Variants in PCCA observed in about 807,000 individuals in gnomAD.
PCCA encodes the protein propionyl-CoA carboxylase subunit alpha, also known as propionyl-CoA carboxylase alpha chain, mitochondrial.
Under a neutral mutation model 101.3 loss-of-function variants are expected in PCCA, and 74 were observed. That is an observed-to-expected ratio of 0.73 (90% CI 0.61 to 0.89). PCCA has a LOEUF of 0.89. PCCA is among the 40% of genes least tolerant of loss of function. PCCA has a pLI of 0.00. For synonymous variants in PCCA, 294 were observed against 313.6 expected (o/e 0.94, Z 0.66); for missense variants, 891 against 907.0 (o/e 0.98, Z 0.23).
At chr13:100,297,424 G>T (rs1166658634) in intron 12 of PCCA, among the ~76,000 whole-genome samples, 1 of 152,170 alleles carries the variant, frequency 6.6e-6, no homozygotes, top group Non-Finnish European at 1.5e-5. Flanking sequence ...ACAACACAGT[G>T]CCAAGGAGAT....
chr13:100,305,440 A>G (rs1214739209), intron 14 of PCCA, among the ~76,000 whole-genome samples: 1 of 152,210 alleles, frequency 6.6e-6, no homozygotes, highest in East Asian at 1.9e-4. Flanking sequence ...TTGAACATCT[A>G]AGTTCTTCCT....
intron 16 of PCCA, among the ~76,000 whole-genome samples, chr13:100,310,553 CA>C (rs1384800181): frequency 6.6e-6 from 1 of 152,114 alleles, no homozygotes; most frequent in Non-Finnish European, 1.5e-5. Flanking sequence ...GGCATCTGGG[CA>C]GTTTGTCAAA....
chr13:100,339,137 C>G (rs1405366880), intron 17 of PCCA, among the ~76,000 whole-genome samples: 1 of 152,032 alleles, frequency 6.6e-6, no homozygotes, highest in Non-Finnish European at 1.5e-5. Context: ...TAAATCATCT[C>G]TAGGTTACTT....
chr13:100,245,336 A>T (rs772741687), intron 8 of PCCA, among the ~76,000 whole-genome samples: 3 of 152,170 alleles, frequency 2.0e-5, no homozygotes, highest in Non-Finnish European at 4.4e-5. Context: ...TAGATTCTGA[A>T]CTAGATTCCT....
At chr13:100,362,651 G>A (rs540623260) in intron 18 of PCCA, among the ~76,000 whole-genome samples, 7 of 152,190 alleles carry the variant, frequency 4.6e-5, no homozygotes, top group South Asian at 2.1e-4. Flanking sequence ...AGCCCTTATC[G>A]GTGGAAGAAG....
At chr13:100,319,400 A>G (rs2152712449) in intron 16 of PCCA, among the ~76,000 whole-genome samples, 2 of 152,284 alleles carry the variant, frequency 1.3e-5, no homozygotes, top group South Asian at 4.2e-4. Context: ...TTAGACATGA[A>G]GTCCTTGCCC....
At chr13:100,315,347 C>T (rs2067252624) in intron 16 of PCCA, among the ~76,000 whole-genome samples, 1 of 151,990 alleles carries the variant, frequency 6.6e-6, no homozygotes, top group Non-Finnish European at 1.5e-5. Context: ...CCCCCACTCT[C>T]CACTAATATT....
At chr13:100,308,634 T>G (rs974729607) in intron 15 of PCCA, among the ~76,000 whole-genome samples, 5 of 152,220 alleles carry the variant, frequency 3.3e-5, no homozygotes, top group African/African-American at 1.2e-4. Flanking sequence ...CCTAAGTTAT[T>G]AGTAGTATTA....
At chr13:100,396,251 A>G (rs546378696) in intron 19 of PCCA, among the ~76,000 whole-genome samples, 53 of 152,224 alleles carry the variant, frequency 3.5e-4, no homozygotes, top group African/African-American at 1.1e-3. Flanking sequence ...TTAAATACCA[A>G]TCCTGAACCT....
chr13:100,245,729 A>G (rs1471245723), intron 8 of PCCA, among the ~76,000 whole-genome samples: 6 of 152,174 alleles, frequency 3.9e-5, no homozygotes, highest in Non-Finnish European at 5.9e-5. Flanking sequence ...ACCATCTCCT[A>G]AATATTTCTT....
At chr13:100,343,357 C>T (rs939450276) in intron 18 of PCCA, among the ~76,000 whole-genome samples, 7 of 152,178 alleles carry the variant, frequency 4.6e-5, no homozygotes, top group Non-Finnish European at 1.0e-4. Flanking sequence ...TATACCACTA[C>T]ACACCCACTA....
intron 4 of PCCA, among the ~76,000 whole-genome samples, chr13:100,147,253 C>T (rs547518800): frequency 6.6e-6 from 1 of 152,120 alleles, no homozygotes; most frequent in Non-Finnish European, 1.5e-5. Flanking sequence ...GGTATCTATA[C>T]TGCTTAAGCT....
At chr13:100,301,123 T>C (rs2066028516) in intron 12 of PCCA, among the ~76,000 whole-genome samples, 2 of 152,208 alleles carry the variant, frequency 1.3e-5, no homozygotes, top group Non-Finnish European at 2.9e-5. Context: ...ATCGGCCACA[T>C]TGAAGATTGC....
In PCCA at chr13:100,341,973, A is replaced by ATATATATG. The variant is rs1555426209; in HGVS notation, c.1643+1721_1643+1722insGTATATAT. Among the ~76,000 whole-genome samples the ATATATATG allele has an allele frequency of 1.6e-4, 20 of 121,882 alleles. 1 individual carries two copies. Among genetic ancestry groups the ATATATATG allele is most frequent in the South Asian group, 7.2e-4 (3 of 4,152 alleles). 80.0% of individuals were successfully genotyped at this position (121,882 alleles called of 152,430 possible). On this transcript the variant is annotated intron_variant, in intron 18 of 23. Coordinates refer to ENST00000376285, the MANE Select transcript of PCCA (RefSeq NM_000282.4). ...CCCTTCAAAGTATATATATATATAT[A>ATATATATG]TATATATATGTATTTATGTGTGTGT...
intron 20 of PCCA, among the ~76,000 whole-genome samples, chr13:100,432,358 T>C (rs1567127347): frequency 6.6e-6 from 1 of 152,218 alleles, no homozygotes. Flanking sequence ...GTATATTTGC[T>C]TCTGTGAGCT....
intron 1 of PCCA, 110 bp downstream of exon 1, chr13:100,089,335 C>T: frequency 1.5e-6 from 2 of 1,301,870 alleles, no homozygotes; most frequent in Admixed American, 4.0e-5. Context: ...TGCCCCCGCG[C>T]CCCGGTTCCG....
At chr13:100,232,312 T>C (rs1333172101) in intron 7 of PCCA, among the ~76,000 whole-genome samples, 1 of 151,180 alleles carries the variant, frequency 6.6e-6, no homozygotes, top group Non-Finnish European at 1.5e-5. Context: ...GATCTTTCCA[T>C]GGTAGCTAGC....
At chr13:100,152,981 A>G (rs1468512968) in intron 4 of PCCA, among the ~76,000 whole-genome samples, 1 of 152,148 alleles carries the variant, frequency 6.6e-6, no homozygotes, top group Non-Finnish European at 1.5e-5. Context: ...GTATCTTTTA[A>G]TTTCTTTTCC....
intron 11 of PCCA, among the ~76,000 whole-genome samples, chr13:100,269,200 A>T (rs534622320): frequency 6.6e-6 from 1 of 152,284 alleles, no homozygotes; most frequent in South Asian, 2.1e-4. Flanking sequence ...ACTAATGTTC[A>T]TGTAGACTCT....
Sources: allele counts gnomAD v4.1 joint callset (sites outside exome capture counted in the v4.1 genomes callset), GRCh38; gene constraint gnomAD v4.1.1; transcripts MANE v1.5; gene names NCBI Gene and HGNC (gene_info 2026-07-23, HGNC 2026-07-21).